The following NCALD variants were observed in gnomAD, a reference collection of about 807,000 sequenced individuals.
NCALD encodes neurocalcin-delta.
NCALD carries 10 observed loss-of-function variants against 18.6 expected under a neutral mutation model. That is an observed-to-expected ratio of 0.54 (90% CI 0.33 to 0.91). The LOEUF is 0.91. NCALD is among the 40% of genes least tolerant of loss of function. The pLI is 0.03. For missense variants in NCALD, 184 were observed against 247.6 expected, an observed-to-expected ratio of 0.74 and a Z score of 1.72; for synonymous variants, 88 against 87.4, an observed-to-expected ratio of 1.01 and a Z score of -0.04.
chr8:101,889,137 C>A (rs1227828147), intron 3 of NCALD, among the ~76,000 whole-genome samples: 3 of 152,318 alleles, frequency 2.0e-5, no homozygotes, highest in South Asian at 2.1e-4. Context: ...ATCATGCCTG[C>A]AACTCTGATG....
chr8:102,046,858 T>C (rs1823263752), intron 1 of NCALD, among the ~76,000 whole-genome samples: 1 of 151,616 alleles, frequency 6.6e-6, no homozygotes, highest in South Asian at 2.1e-4. Flanking sequence ...GTTTGTTACA[T>C]AGTTGTTACA....
intron 2 of NCALD, among the ~76,000 whole-genome samples, chr8:102,007,343 G>A (rs1821750318): frequency 6.6e-6 from 1 of 152,300 alleles, no homozygotes; most frequent in Admixed American, 6.5e-5. Flanking sequence ...CAATATTTCT[G>A]TAAATATAAA....
chr8:102,123,093 C>T (rs1461106763), intron 1 of NCALD, among the ~76,000 whole-genome samples: 1 of 152,242 alleles, frequency 6.6e-6, no homozygotes, highest in Non-Finnish European at 1.5e-5. Context: ...AGTGAAAAAC[C>T]TCACAAGCAT....
intron 1 of NCALD, among the ~76,000 whole-genome samples, chr8:101,748,616 T>G (rs1199568569): frequency 6.6e-6 from 1 of 152,224 alleles, no homozygotes; most frequent in African/African-American, 2.4e-5. Flanking sequence ...GAACCAGTGC[T>G]TTACACACAC....
chr8:101,806,793 A>G (rs1004424989), intron 4 of NCALD, among the ~76,000 whole-genome samples: 8 of 152,136 alleles, frequency 5.3e-5, no homozygotes, highest in Non-Finnish European at 8.8e-5. Context: ...GCATTAATGT[A>G]CACATTAAAG....
At chr8:101,801,881 T>G (rs1403207296) in intron 4 of NCALD, among the ~76,000 whole-genome samples, 1 of 151,980 alleles carries the variant, frequency 6.6e-6, no homozygotes, top group East Asian at 1.9e-4. Flanking sequence ...TTAGCCAGGA[T>G]GGTCTCCATC....
Position 102,063,962 on chromosome 8 carries a change from T to C in NCALD, c.-209-43673A>G, listed in dbSNP as rs528130546. The stretch of plus-strand genomic sequence containing the variant: ...CCACTTCCTTTTGAGACCAGGTCCA[T>C]ATACAATTCATGCTTTTCCCTCAAT... On this transcript the variant is annotated intron_variant, in intron 1 of 6. Transcript: ENST00000311028. Among the ~76,000 whole-genome samples, 112 of 152,318 alleles carry C rather than the reference T, an allele frequency of 7.4e-4. 2 individuals are homozygous for C. The highest frequency in any genetic ancestry group is 3.4e-3 in the Middle Eastern group (1 of 294).
At chr8:101,758,609 CA>C (rs1810983582) in intron 1 of NCALD, among the ~76,000 whole-genome samples, 1 of 152,134 alleles carries the variant, frequency 6.6e-6, no homozygotes, top group Non-Finnish European at 1.5e-5. Flanking sequence ...TCTTACTCAC[CA>C]CATCCACCAC....
chr8:101,868,062 T>C (rs1023489165), intron 4 of NCALD, among the ~76,000 whole-genome samples: 42 of 152,360 alleles, frequency 2.8e-4, no homozygotes, highest in African/African-American at 8.9e-4. Flanking sequence ...CCTGGCACTG[T>C]ATTTCTACTG....
At chr8:102,094,360 A>G (rs78087617) in intron 1 of NCALD, among the ~76,000 whole-genome samples, 3,922 of 152,280 alleles carry the variant, frequency 0.026, 131 homozygotes, top group East Asian at 0.13. Flanking sequence ...GAACCTCCCA[A>G]TAGCTCTGTA....
At chr8:101,866,923 T>C (rs1161015377) in intron 4 of NCALD, among the ~76,000 whole-genome samples, 1 of 152,156 alleles carries the variant, frequency 6.6e-6, no homozygotes, top group Non-Finnish European at 1.5e-5. Flanking sequence ...AGCACTCCCA[T>C]CCTACTCAGA....
intron 2 of NCALD, among the ~76,000 whole-genome samples, chr8:101,943,018 T>A (rs1819016009): frequency 1.3e-5 from 2 of 152,310 alleles, no homozygotes; most frequent in African/African-American, 4.8e-5. Context: ...GAGCTGGGAC[T>A]GGAAAGATGA....
chr8:101,736,949 C>T (rs1396446145), intron 1 of NCALD, among the ~76,000 whole-genome samples: 2 of 152,104 alleles, frequency 1.3e-5, no homozygotes, highest in East Asian at 3.9e-4. Flanking sequence ...TTCTTTCTTA[C>T]CCAGGGGAAG....
intron 2 of NCALD, among the ~76,000 whole-genome samples, chr8:102,002,744 C>T (rs1053475289): frequency 1.3e-5 from 2 of 152,182 alleles, no homozygotes; most frequent in Non-Finnish European, 2.9e-5. Context: ...CGCTCAACTA[C>T]ATGGAAACTG....
intron 2 of NCALD, among the ~76,000 whole-genome samples, chr8:101,705,799 C>T (rs1419905297): frequency 6.6e-6 from 1 of 152,214 alleles, no homozygotes; most frequent in Non-Finnish European, 1.5e-5. Context: ...GAAGCCTCAG[C>T]TGCTCCAGCT....
chr8:102,001,942 T>C lies in NCALD; in HGVS notation c.-157+18295A>G, dbSNP rs149452373. On this transcript the variant is annotated intron_variant, in intron 2 of 6. Transcript: ENST00000311028. ...AAAACATGCCAAATTGTAAAGACCA[T>C]AGAGGCTAGGAAGAAACTACATCAA... is the stretch of plus-strand genomic sequence containing the variant. Among the ~76,000 whole-genome samples, 662 of 152,314 alleles carry C rather than the reference T, an allele frequency of 4.3e-3. 4 individuals carry two copies. Among genetic ancestry groups the C allele is most frequent in the African/African-American group, 0.015 (605 of 41,550 alleles).
intron 2 of NCALD, among the ~76,000 whole-genome samples, chr8:101,700,586 T>C (rs1815215811): frequency 6.6e-6 from 1 of 152,166 alleles, no homozygotes; most frequent in African/African-American, 2.4e-5. Context: ...CCTCTAAGGT[T>C]GTGGCCCACG....
chr8:101,749,104 G>A (rs1073373), intron 1 of NCALD, among the ~76,000 whole-genome samples: 116,667 of 152,212 alleles, frequency 0.77, 44,791 homozygotes, highest in East Asian at 0.84. Flanking sequence ...AAAACTTCCC[G>A]AAGCCAATGC....
chr8:101,941,252 C>T (rs113689293), intron 2 of NCALD, among the ~76,000 whole-genome samples: 2,945 of 152,286 alleles, frequency 0.019, 100 homozygotes, highest in African/African-American at 0.063. Flanking sequence ...TGAAACTGTT[C>T]CACCTCAGAT....
Sources: gnomAD v4.1 joint callset for allele counts (sites outside exome capture counted in the v4.1 genomes callset) on GRCh38, gnomAD v4.1.1 for gene constraint, MANE v1.5 for transcripts, NCBI Gene and HGNC (gene_info 2026-07-23, HGNC 2026-07-21) for gene names.